The following P2RY8 variants were observed in gnomAD, a reference collection of about 807,000 sequenced individuals.
P2RY8 encodes the protein P2Y receptor family member 8.
In P2RY8, 6 loss-of-function variants were observed where a neutral mutation model predicts 10.0. The observed-to-expected ratio is 0.60, with a 90% confidence interval of 0.33 to 1.19. The LOEUF is 1.19. Ranked by LOEUF, P2RY8 falls within the 50% of genes most tolerant of loss-of-function variation. P2RY8 has a pLI of 0.04. For synonymous variants in P2RY8, 276 were observed against 252.5 expected, an observed-to-expected ratio of 1.09 and a Z score of -0.88; for missense variants, 456 against 542.0, an observed-to-expected ratio of 0.84 and a Z score of 1.58.
chrX:1,531,034 T>C (rs1204011894), intron 1 of P2RY8, among the ~76,000 whole-genome samples: 1 of 150,456 alleles, frequency 6.6e-6, no homozygotes, highest in African/African-American at 2.5e-5. Flanking sequence ...TCTATGTATC[T>C]ATTTATCGAT....
At chrX:1,532,349 ATG>A (rs1556687506) in intron 1 of P2RY8, among the ~76,000 whole-genome samples, 2 of 140,628 alleles carry the variant, frequency 1.4e-5, no homozygotes, top group South Asian at 2.3e-4. Flanking sequence ...TATGTATATG[ATG>A]TGTATATATA....
At chrX:1,498,292 G>C (rs2092137667) in intron 1 of P2RY8, among the ~76,000 whole-genome samples, 1 of 150,094 alleles carries the variant, frequency 6.7e-6, no homozygotes, top group Admixed American at 6.7e-5. Flanking sequence ...TGTAGTCCCA[G>C]CTACTCGGGA....
chrX:1,508,105 A>G (rs1194469280), intron 1 of P2RY8, among the ~76,000 whole-genome samples: 1 of 152,176 alleles, frequency 6.6e-6, no homozygotes, highest in African/African-American at 2.4e-5. Flanking sequence ...GCAATGGCCT[A>G]GGGCAGGTCA....
intron 1 of P2RY8, among the ~76,000 whole-genome samples, chrX:1,478,272 T>TGC (rs1556676182): frequency 1.6e-4 from 17 of 103,944 alleles, no homozygotes; most frequent in African/African-American, 4.4e-4. Context: ...TGTGTGTGTG[T>TGC]GCCCAGCAGG....
chrX:1,530,273 C>A (rs1190644625), intron 1 of P2RY8, among the ~76,000 whole-genome samples: 1 of 113,702 alleles, frequency 8.8e-6, no homozygotes, highest in African/African-American at 3.3e-5. Flanking sequence ...TCACCATTAT[C>A]TATCTATCTA....
chrX:1,466,407 C>T lies in P2RY8; in HGVS notation c.152G>A (p.Arg51His), dbSNP rs747615688. The part of the protein sequence containing the change: ...NLFSLWVLCR[R>H]MGPRSPSVIF... ...GACCGACGGGGATCTGGGCCCCATG[C>T]GCCGGCACAGCACCCACAGAGAGAA... Residue 51 changes from arginine to histidine, a missense_variant, in exon 2 of 2, where the codon CGC becomes CAC. Arg to His is a conservative substitution (Grantham distance 29). Transcript: ENST00000381297. The T allele has an allele frequency of 1.9e-6, 3 of 1,613,434 alleles. No homozygotes were observed. Among genetic ancestry groups the T allele is most frequent in the South Asian group, 2.2e-5 (2 of 91,064 alleles).
At chrX:1,512,251 A>T (rs1255444136) in intron 1 of P2RY8, among the ~76,000 whole-genome samples, 1 of 152,156 alleles carries the variant, frequency 6.6e-6, no homozygotes. Context: ...CACGCTGCTA[A>T]TAAAGACATA....
At chrX:1,520,632 A>G (rs1413983435) in intron 1 of P2RY8, among the ~76,000 whole-genome samples, 1 of 151,148 alleles carries the variant, frequency 6.6e-6, no homozygotes, top group Non-Finnish European at 1.5e-5. Context: ...CTGATCCCCA[A>G]TAATCTCTCT....
intron 1 of P2RY8, among the ~76,000 whole-genome samples, chrX:1,530,177 T>G (rs1390727147): frequency 3.8e-4 from 46 of 121,480 alleles, no homozygotes; most frequent in African/African-American, 1.4e-3. Flanking sequence ...TCTATCTATC[T>G]ATCTATCTAT....
chrX:1,494,861 C>G (rs1242866784), intron 1 of P2RY8, among the ~76,000 whole-genome samples: 1 of 131,510 alleles, frequency 7.6e-6, no homozygotes, highest in South Asian at 2.7e-4. Flanking sequence ...CATCACCACA[C>G]CTGGCTAATT....
At chrX:1,524,315 C>T (rs181473510) in intron 1 of P2RY8, among the ~76,000 whole-genome samples, 2,474 of 151,962 alleles carry the variant, frequency 0.016, 119 homozygotes, top group African/African-American at 0.057. Context: ...TTCATCCGCT[C>T]ATTCATTCCT....
chrX:1,534,656 C>T (rs771544443), intron 1 of P2RY8, among the ~76,000 whole-genome samples: 2 of 152,168 alleles, frequency 1.3e-5, no homozygotes, highest in African/African-American at 4.8e-5. Context: ...TGAGGAGGTC[C>T]TGATGGAGAG....
At chrX:1,527,911 C>T (rs2092449711) in intron 1 of P2RY8, among the ~76,000 whole-genome samples, 1 of 152,212 alleles carries the variant, frequency 6.6e-6, no homozygotes, top group African/African-American at 2.4e-5. Context: ...TCTGGTCTCT[C>T]ATCTACAAAG....
intron 1 of P2RY8, among the ~76,000 whole-genome samples, chrX:1,535,716 G>GACACACACACACACACACACACAC (rs770470429): frequency 4.1e-5 from 6 of 146,202 alleles, no homozygotes; most frequent in Non-Finnish European, 9.1e-5. Flanking sequence ...CACACACACA[G>GACACACACACACACACACACACAC]ACACACACAC....
chrX:1,507,011 C>T (rs1431445514), intron 1 of P2RY8, among the ~76,000 whole-genome samples: 6 of 21,526 alleles, frequency 2.8e-4, no homozygotes, highest in Non-Finnish European at 8.8e-4. Flanking sequence ...AGGCAATGGA[C>T]GGGTCCTAGG....
At chrX:1,492,042 T>A (rs2092057609) in intron 1 of P2RY8, among the ~76,000 whole-genome samples, 1 of 152,168 alleles carries the variant, frequency 6.6e-6, no homozygotes, top group Admixed American at 6.5e-5. Flanking sequence ...CTCTGCTGCA[T>A]CCATGGAAAC....
intron 1 of P2RY8, among the ~76,000 whole-genome samples, chrX:1,499,859 T>A (rs1389181879): frequency 1.8e-4 from 28 of 151,960 alleles, no homozygotes; most frequent in Non-Finnish European, 4.0e-4. Flanking sequence ...TGTTTTGTTT[T>A]GTTTTGTTTT....
intron 1 of P2RY8, among the ~76,000 whole-genome samples, chrX:1,530,699 A>T (rs1286321568): frequency 6.6e-6 from 1 of 150,762 alleles, no homozygotes; most frequent in Admixed American, 6.6e-5. Flanking sequence ...ATGCATCTAT[A>T]TATCTATCTA....
intron 1 of P2RY8, among the ~76,000 whole-genome samples, chrX:1,499,550 G>A (rs374980407): frequency 5.3e-5 from 8 of 151,836 alleles, no homozygotes; most frequent in Admixed American, 2.6e-4. Context: ...CGCCTCTTAC[G>A]CCCAAACTTT....
Sources: allele counts gnomAD v4.1 joint callset (sites outside exome capture counted in the v4.1 genomes callset), GRCh38; gene constraint gnomAD v4.1.1; transcripts MANE v1.5; gene names NCBI Gene and HGNC (gene_info 2026-07-23, HGNC 2026-07-21).